The following GRM8 variants were observed in gnomAD, a reference collection of about 807,000 sequenced individuals.
GRM8 encodes the protein glutamate metabotropic receptor 8, also known as metabotropic glutamate receptor 8.
GRM8 carries 47 observed loss-of-function variants against 87.2 expected under a neutral mutation model. The ratio of observed to expected loss-of-function variants is 0.54; its 90% confidence interval spans 0.43 to 0.69. GRM8 has a LOEUF of 0.69. GRM8 is among the 30% of genes least tolerant of loss of function. The probability of loss-of-function intolerance (pLI) is 0.00; values close to 1 mark genes in which losing one functional copy is unlikely to be tolerated. For synonymous variants in GRM8, 396 were observed against 404.5 expected (o/e 0.98, Z 0.25); for missense variants, 1,019 against 1,139.2 (o/e 0.89, Z 1.52).
At chr7:126,846,371 T>A (rs1796713071) in intron 6 of GRM8, among the ~76,000 whole-genome samples, 2 of 152,218 alleles carry the variant, frequency 1.3e-5, no homozygotes, top group African/African-American at 4.8e-5. Flanking sequence ...GGTGACAAAA[T>A]CATTTCCTCC....
chr7:126,438,921 T>TTG lies in GRM8; in HGVS notation c.*197_*198insCA. On this transcript the variant is annotated 3_prime_UTR_variant, in exon 11 of 11. Coordinates refer to ENST00000339582, the MANE Select transcript of GRM8 (RefSeq NM_000845.3). Reference sequence around the variant, plus strand: ...TACTTTAGCTTGACACTCATTGGTTTTATTGTATAAAACGGGTTTCTTCAC... The same window carrying TTG: ...TACTTTAGCTTGACACTCATTGGTTTTGTATTGTATAAAACGGGTTTCTTCAC... The TTG allele has an allele frequency of 8.0e-6, 4 of 501,998 alleles. No homozygotes were observed. Among genetic ancestry groups the TTG allele is most frequent in the Non-Finnish European group, 1.4e-5 (4 of 280,946 alleles). 31.1% of individuals were successfully genotyped at this position (501,998 alleles called of 1,614,324 possible). A position where few individuals can be genotyped will look rare whatever the true frequency, so the allele number is the denominator to read the frequency against.
At chr7:126,440,148 T>G (rs2150440265) in intron 10 of GRM8, among the ~76,000 whole-genome samples, 1 of 151,976 alleles carries the variant, frequency 6.6e-6, no homozygotes, top group East Asian at 2.0e-4. Context: ...GTGCAGAGAC[T>G]CACGTCTGTA....
chr7:126,849,827 A>G (rs536438710), intron 6 of GRM8, among the ~76,000 whole-genome samples: 1 of 152,100 alleles, frequency 6.6e-6, no homozygotes, highest in African/African-American at 2.4e-5. Flanking sequence ...AACTTAGCCA[A>G]CCCTTCCACT....
chr7:126,618,060 C>G (rs149401747), intron 7 of GRM8, among the ~76,000 whole-genome samples: 37 of 152,304 alleles, frequency 2.4e-4, no homozygotes, highest in African/African-American at 7.7e-4. Flanking sequence ...ATAGAGCCCT[C>G]ATTGCCAAGA....
chr7:127,179,519 C>T (rs1346512110), intron 2 of GRM8, among the ~76,000 whole-genome samples: 2 of 152,076 alleles, frequency 1.3e-5, no homozygotes, highest in African/African-American at 2.4e-5. Flanking sequence ...ATATAGAGAA[C>T]GTTTCATCCA....
At chr7:126,511,555 G>C (rs1426804342) in intron 9 of GRM8, 1 of 152,094 alleles carries the variant, frequency 6.6e-6, no homozygotes, top group Non-Finnish European at 1.5e-5. Context: ...CATAAGGCTA[G>C]TTACCAGAGG....
At chr7:126,585,192 ATAAT>A (rs1336756123) in intron 8 of GRM8, among the ~76,000 whole-genome samples, 6 of 152,170 alleles carry the variant, frequency 3.9e-5, no homozygotes, top group South Asian at 2.1e-4. Context: ...TCTGAAATAA[ATAAT>A]TAGAGAATAT....
chr7:126,500,676 A>ATTTTTTTTG lies in GRM8; in HGVS notation c.2430+32275_2430+32276insCAAAAAAAA, dbSNP rs1809508389. Among the ~76,000 whole-genome samples the ATTTTTTTTG allele has an allele frequency of 6.6e-5, 10 of 152,182 alleles. No homozygotes were observed. In the South Asian group the frequency reaches 2.1e-3, roughly 32 times the overall value. ...TAAGTTTAATATGTAAAAAATACTC[A>ATTTTTTTTG]GCACGGTGTTTGGCATGTAGTAATA... On this transcript the variant is annotated intron_variant, in intron 9 of 10. Transcript: ENST00000339582.
chr7:127,242,814 C>A lies in GRM8; in HGVS notation c.391G>T (p.Val131Leu). 4 of 1,614,170 alleles carry A rather than the reference C, an allele frequency of 2.5e-6. No homozygotes were observed. Among genetic ancestry groups the A allele is most frequent in the Non-Finnish European group, 2.5e-6 (3 of 1,180,030 alleles). Residue 131 changes from valine (V) to leucine (L), a missense_variant, in exon 2 of 11, where the codon GTG becomes TTG. Transcript: ENST00000339582. The stretch of plus-strand genomic sequence containing the variant: ...GGTGGATCTCCATTAGCACACTTCA[C>A]ATCCGAAGCATCTTTCTCTATTAAT... ...QALIEKDASD[V>L]KCANGDPPIF...
chr7:126,575,897 C>T (rs1426500815), intron 8 of GRM8, among the ~76,000 whole-genome samples: 1 of 152,138 alleles, frequency 6.6e-6, no homozygotes, highest in African/African-American at 2.4e-5. Flanking sequence ...TCTCTCATCA[C>T]CCAATTATTA....
At chr7:126,704,841 T>C (rs773295058) in intron 7 of GRM8, among the ~76,000 whole-genome samples, 2 of 152,156 alleles carry the variant, frequency 1.3e-5, no homozygotes, top group Non-Finnish European at 2.9e-5. Flanking sequence ...CGAAACTTCA[T>C]TAGCAATTTT....
chr7:126,887,957 C>T (rs896735538), intron 6 of GRM8, among the ~76,000 whole-genome samples: 1 of 152,110 alleles, frequency 6.6e-6, no homozygotes, highest in African/African-American at 2.4e-5. Context: ...TGGAAAGCAT[C>T]ATGCCAGAAT....
intron 1 of GRM8, among the ~76,000 whole-genome samples, chr7:127,244,132 A>G (rs77330059): frequency 1.1e-4 from 17 of 152,244 alleles, no homozygotes; most frequent in African/African-American, 4.1e-4. Flanking sequence ...TTCTCTGGTA[A>G]GAAAACAAAG....
chr7:126,893,184 A>T (rs1801231829), intron 6 of GRM8, among the ~76,000 whole-genome samples: 1 of 152,016 alleles, frequency 6.6e-6, no homozygotes, highest in African/African-American at 2.4e-5. Context: ...ACAAAACACT[A>T]TGGAGTCATG....
intron 7 of GRM8, among the ~76,000 whole-genome samples, chr7:126,637,974 A>G (rs1802024393): frequency 1.3e-5 from 2 of 152,104 alleles, no homozygotes; most frequent in Non-Finnish European, 2.9e-5. Flanking sequence ...AGTAGTGATA[A>G]TATTAATTTC....
At chr7:127,009,083 T>C (rs1814620345) in intron 3 of GRM8, among the ~76,000 whole-genome samples, 1 of 152,062 alleles carries the variant, frequency 6.6e-6, no homozygotes, top group African/African-American at 2.4e-5. Context: ...GTTTTTTTTT[T>C]TTCCATCCCT....
chr7:127,186,784 C>T (rs928699602), intron 2 of GRM8, among the ~76,000 whole-genome samples: 3 of 152,166 alleles, frequency 2.0e-5, no homozygotes, highest in Non-Finnish European at 4.4e-5. Context: ...AAATAGGATG[C>T]ACCTGCTCTG....
intron 7 of GRM8, among the ~76,000 whole-genome samples, chr7:126,662,577 A>C (rs1406933983): frequency 6.6e-6 from 1 of 152,214 alleles, no homozygotes; most frequent in Non-Finnish European, 1.5e-5. Context: ...GATCAATAGG[A>C]ATCTCTGATG....
intron 2 of GRM8, among the ~76,000 whole-genome samples, chr7:127,208,116 T>C (rs1796017621): frequency 6.6e-6 from 1 of 152,180 alleles, no homozygotes; most frequent in South Asian, 2.1e-4. Flanking sequence ...GACCATGGAC[T>C]GATCTGGCTG....
Sources: gnomAD v4.1 joint callset for allele counts (sites outside exome capture counted in the v4.1 genomes callset) on GRCh38, gnomAD v4.1.1 for gene constraint, MANE v1.5 for transcripts, NCBI Gene and HGNC (gene_info 2026-07-23, HGNC 2026-07-21) for gene names.